The following TAFA5 variants were observed in gnomAD, a reference collection of about 807,000 sequenced individuals.
The protein encoded by TAFA5 is chemokine-like protein TAFA-5.
A neutral mutation model predicts 15.3 loss-of-function variants in TAFA5; 6 were observed. That is an observed-to-expected ratio of 0.39 (90% confidence interval 0.21 to 0.77). The LOEUF (loss-of-function observed/expected upper bound fraction) is 0.77, where lower values mean the gene tolerates loss of function less well. Ranked by LOEUF, TAFA5 falls within the 30% of genes least tolerant of loss-of-function variation. TAFA5 has a pLI of 0.41. For synonymous variants in TAFA5, 103 were observed against 80.7 expected (o/e 1.28, Z -1.48); for missense variants, 161 against 193.1 (o/e 0.83, Z 0.98).
chr22:48,678,013 C>T (rs1362705755), intron 2 of TAFA5, among the ~76,000 whole-genome samples: 1 of 152,060 alleles, frequency 6.6e-6, no homozygotes, highest in African/African-American at 2.4e-5. Flanking sequence ...CATCCCAAAC[C>T]TTCCAGGCCC....
At chr22:48,650,357 C>G (rs1317337788) in intron 2 of TAFA5, among the ~76,000 whole-genome samples, 1 of 152,100 alleles carries the variant, frequency 6.6e-6, no homozygotes, top group Non-Finnish European at 1.5e-5. Flanking sequence ...AGATGGATAC[C>G]CATGGCAGCA....
At chr22:48,710,046 C>A (rs907813889) in intron 3 of TAFA5, among the ~76,000 whole-genome samples, 2 of 152,230 alleles carry the variant, frequency 1.3e-5, no homozygotes, top group African/African-American at 4.8e-5. Flanking sequence ...ACCACCCCCT[C>A]TACCTTGCTT....
intron 2 of TAFA5, among the ~76,000 whole-genome samples, chr22:48,692,421 ATTTACTTAATTGATTTAATTT>A (rs1928571248): frequency 6.6e-6 from 1 of 152,078 alleles, no homozygotes; most frequent in Non-Finnish European, 1.5e-5. Flanking sequence ...ATTTATTTTA[ATTTACTTAATTGATTTAATTT>A]TTTAAGAGAC....
intron 2 of TAFA5, among the ~76,000 whole-genome samples, chr22:48,674,213 G>A (rs1318427038): frequency 1.3e-5 from 2 of 152,140 alleles, no homozygotes; most frequent in Non-Finnish European, 1.5e-5. Flanking sequence ...CTTTGCTCCC[G>A]GCTGCAGGCA....
chr22:48,519,059 A>G (rs1054124297), intron 1 of TAFA5, among the ~76,000 whole-genome samples: 1 of 152,222 alleles, frequency 6.6e-6, no homozygotes, highest in Admixed American at 6.5e-5. Flanking sequence ...ACCTAGCACA[A>G]TCAACAGCCT....
intron 3 of TAFA5, among the ~76,000 whole-genome samples, chr22:48,739,748 G>C (rs772915852): frequency 6.6e-6 from 1 of 152,220 alleles, no homozygotes; most frequent in Non-Finnish European, 1.5e-5. Context: ...CTGCCTCTCT[G>C]TGTTTGTCGT....
intron 2 of TAFA5, among the ~76,000 whole-genome samples, chr22:48,694,157 GA>G (rs1285957123): frequency 6.6e-6 from 1 of 152,172 alleles, no homozygotes; most frequent in Non-Finnish European, 1.5e-5. Context: ...TCTGTAATGT[GA>G]AGATGAAGCT....
chr22:48,709,316 C>T (rs1569089049), intron 3 of TAFA5, among the ~76,000 whole-genome samples: 2 of 152,198 alleles, frequency 1.3e-5, no homozygotes, highest in South Asian at 2.1e-4. Context: ...CAAATGATTC[C>T]GTCCTGCACC....
rs551702085 is a variant in TAFA5 at position 48,660,387 on chromosome 22, G to T, written c.262+13641G>T. 2.5e-4 allele frequency among the ~76,000 whole-genome samples: 38 copies of T among 152,336 alleles called. 1 individual carries two copies. Among genetic ancestry groups the T allele is most frequent in the African/African-American group, 9.1e-4 (38 of 41,578 alleles). ...TGCGCACATCTCGAGTATGTTTGTG[G>T]TGTGAACATTTTCTTTATTTCATTT... On this transcript the variant is annotated intron_variant, in intron 2 of 3. Coordinates refer to ENST00000402357, the MANE Select transcript of TAFA5 (RefSeq NM_001082967.3).
chr22:48,620,264 G>T (rs183866007), intron 1 of TAFA5, among the ~76,000 whole-genome samples: 1 of 152,112 alleles, frequency 6.6e-6, no homozygotes, highest in Admixed American at 6.5e-5. Context: ...GCGTCTCCAG[G>T]TCCCTGACCC....
At chr22:48,507,734 G>A (rs1000160026) in intron 1 of TAFA5, among the ~76,000 whole-genome samples, 4 of 152,134 alleles carry the variant, frequency 2.6e-5, no homozygotes, top group African/African-American at 4.8e-5. Context: ...CCAGGTGGTC[G>A]ACCGGGACTG....
intron 1 of TAFA5, among the ~76,000 whole-genome samples, chr22:48,534,151 G>C (rs1173431765): frequency 6.6e-6 from 1 of 151,152 alleles, no homozygotes; most frequent in African/African-American, 2.5e-5. Flanking sequence ...GGGAGGTCAG[G>C]CAGGTGAGGG....
At chr22:48,677,702 G>A (rs1215019555) in intron 2 of TAFA5, among the ~76,000 whole-genome samples, 2 of 152,156 alleles carry the variant, frequency 1.3e-5, no homozygotes, top group Admixed American at 1.3e-4. Flanking sequence ...GAAGTTTGCA[G>A]GAGGAACTTG....
At chr22:48,525,666 G>A (rs1921756272) in intron 1 of TAFA5, among the ~76,000 whole-genome samples, 1 of 152,154 alleles carries the variant, frequency 6.6e-6, no homozygotes, top group African/African-American at 2.4e-5. Flanking sequence ...TCTGATTCAG[G>A]GGTCAGGCCG....
intron 2 of TAFA5, among the ~76,000 whole-genome samples, chr22:48,693,839 A>G (rs900328833): frequency 2.6e-5 from 4 of 151,860 alleles, no homozygotes; most frequent in African/African-American, 9.7e-5. Flanking sequence ...GGCCACCTAT[A>G]CCCATCTTAC....
chr22:48,587,769 G>C (rs761207495), intron 1 of TAFA5, among the ~76,000 whole-genome samples: 1 of 152,228 alleles, frequency 6.6e-6, no homozygotes, highest in East Asian at 1.9e-4. Flanking sequence ...CTCCAAACAC[G>C]GCCTTCTGCC....
intron 1 of TAFA5, among the ~76,000 whole-genome samples, chr22:48,501,869 C>A (rs1920954220): frequency 6.6e-6 from 1 of 152,200 alleles, no homozygotes; most frequent in South Asian, 2.1e-4. Flanking sequence ...TTACTGACGT[C>A]CCCAGAATGG....
At chr22:48,653,011 G>A (rs1158666874) in intron 2 of TAFA5, among the ~76,000 whole-genome samples, 1 of 152,236 alleles carries the variant, frequency 6.6e-6, no homozygotes, top group Non-Finnish European at 1.5e-5. Context: ...TGCTGGTGTG[G>A]CCCTCTGCTT....
intron 1 of TAFA5, among the ~76,000 whole-genome samples, chr22:48,606,274 C>T (rs933463202): frequency 2.0e-5 from 3 of 152,170 alleles, no homozygotes; most frequent in South Asian, 2.1e-4. Flanking sequence ...TGCTCCCTCT[C>T]GAGAATCGCA....
Sources: allele counts gnomAD v4.1 joint callset (sites outside exome capture counted in the v4.1 genomes callset), GRCh38; gene constraint gnomAD v4.1.1; transcripts MANE v1.5; gene names NCBI Gene and HGNC (gene_info 2026-07-23, HGNC 2026-07-21).